The following GASK1B variants were observed in gnomAD, a reference collection of about 807,000 sequenced individuals.
GASK1B encodes Golgi-associated kinase 1B.
GASK1B carries 34 observed loss-of-function variants against 42.8 expected under a neutral mutation model. That is an observed-to-expected ratio of 0.79 (90% CI 0.60 to 1.06). GASK1B has a LOEUF of 1.06. Among genes scored for constraint, GASK1B ranks in the 50% least tolerant of loss-of-function variants. GASK1B has a pLI of 0.00. For missense variants in GASK1B, 686 were observed against 661.0 expected (o/e 1.04, Z -0.42); for synonymous variants, 262 against 259.1 (o/e 1.01, Z -0.11).
intron 3 of GASK1B, among the ~76,000 whole-genome samples, chr4:158,138,563 T>C (rs933065240): frequency 2.6e-5 from 4 of 152,156 alleles, no homozygotes; most frequent in African/African-American, 7.2e-5. Context: ...TCTGAAGGAA[T>C]AGTATCACTG....
Position 158,125,464 on chromosome 4 carries a change from C to A in GASK1B, c.*1943G>T, listed in dbSNP as rs1730415435. ...ATGCAAATATGCCACCTTGGTAAGA[C>A]AGGATGTCAGGCAACTTGCCAAAAG... On this transcript the variant is annotated 3_prime_UTR_variant, in exon 5 of 5. Transcript: ENST00000585682. 6.6e-6 allele frequency: 1 copy of A among 151,852 alleles called. No homozygotes were observed. The highest frequency in any genetic ancestry group is 2.1e-4 in the South Asian group (1 of 4,828). The allele number at this position is 151,852 out of a possible 1,614,324, so 9.4% of individuals were successfully genotyped here.
At chr4:158,129,364 A>C (rs1209531218) in intron 4 of GASK1B, among the ~76,000 whole-genome samples, 1 of 152,182 alleles carries the variant, frequency 6.6e-6, no homozygotes, top group East Asian at 1.9e-4. Context: ...CCGATACATA[A>C]AATTTCCTTA....
At chr4:158,154,595 A>T (rs1178784802) in intron 3 of GASK1B, among the ~76,000 whole-genome samples, 4 of 152,222 alleles carry the variant, frequency 2.6e-5, no homozygotes, top group African/African-American at 9.6e-5. Context: ...AATTGCAAAA[A>T]TATGCAACCA....
In GASK1B at chr4:158,170,321, G is replaced by T. The variant is rs748307483; in HGVS notation, c.910+145C>A. 13 of 1,614,216 alleles carry T rather than the reference G, an allele frequency of 8.1e-6. No homozygotes were observed. Among genetic ancestry groups the T allele is most frequent in the Non-Finnish European group, 7.6e-6 (9 of 1,180,038 alleles). On this transcript the variant is annotated intron_variant, in intron 2 of 4. Coordinates refer to ENST00000585682, the MANE Select transcript of GASK1B (RefSeq NM_001128424.2). ...GCTGGGAAAATAAAGAATGCCAAGCGCATGGAAAGACACGCTGCTGCTGCT... is the reference window on the plus strand; with the variant it reads ...GCTGGGAAAATAAAGAATGCCAAGCTCATGGAAAGACACGCTGCTGCTGCT...
At chr4:158,149,977 T>G (rs543228345) in intron 3 of GASK1B, among the ~76,000 whole-genome samples, 1 of 120,438 alleles carries the variant, frequency 8.3e-6, no homozygotes, top group South Asian at 2.9e-4. Context: ...CAGTTTGGAG[T>G]GCAGTGGCGC....
chr4:158,159,986 T>C (rs1443300007), intron 2 of GASK1B, among the ~76,000 whole-genome samples: 1 of 152,190 alleles, frequency 6.6e-6, no homozygotes, highest in Non-Finnish European at 1.5e-5. Context: ...CATTTGTCAC[T>C]GAGCAAAAAT....
rs1487340857 is a variant in GASK1B at position 158,126,472 on chromosome 4, C to T, written c.*935G>A. Reference sequence around the variant, plus strand: ...CCAATTCTCAATATCTGGGCAGTAACCATTAAATCAAATTAAATATAAGTA... The same window carrying T: ...CCAATTCTCAATATCTGGGCAGTAATCATTAAATCAAATTAAATATAAGTA... On this transcript the variant is annotated 3_prime_UTR_variant, in exon 5 of 5. Transcript: ENST00000585682. The T allele has an allele frequency of 6.6e-6, 1 of 151,814 alleles. No individual in the cohort carries two copies. Among genetic ancestry groups the T allele is most frequent in the Non-Finnish European group, 1.5e-5 (1 of 67,924 alleles). The allele number at this position is 151,814 out of a possible 1,614,324, so 9.4% of individuals were successfully genotyped here. A position where few individuals can be genotyped will look rare whatever the true frequency, so the allele number is the denominator to read the frequency against.
At position 158,170,207 on chromosome 4, in the gene GASK1B, G is replaced by C. The variant is rs372519767; in HGVS notation, c.910+259C>G. ...TTAATAAGCCACTGGGAAGTGAAGCGAGGGAAATGGAGAGCAAAGATTATA... is the reference window on the plus strand; with the variant it reads ...TTAATAAGCCACTGGGAAGTGAAGCCAGGGAAATGGAGAGCAAAGATTATA... On this transcript the variant is annotated intron_variant, in intron 2 of 4. Transcript: ENST00000585682. 166 of 1,600,968 alleles carry C rather than the reference G, an allele frequency of 1.0e-4. 1 individual carries two copies. The highest frequency in any genetic ancestry group is 1.4e-4 in the Non-Finnish European group (159 of 1,171,720).
chr4:158,162,766 T>A (rs931124933), intron 2 of GASK1B, among the ~76,000 whole-genome samples: 1 of 152,170 alleles, frequency 6.6e-6, no homozygotes, highest in African/African-American at 2.4e-5. Flanking sequence ...ATGGCTACAT[T>A]CAGGGATCAG....
chr4:158,170,610 C>A lies in GASK1B; in HGVS notation c.766G>T (p.Ala256Ser). 1.2e-6 allele frequency: 2 copies of A among 1,613,770 alleles called. No homozygotes were observed. Among genetic ancestry groups the A allele is most frequent in the South Asian group, 1.1e-5 (1 of 91,088 alleles). ...GGGCTAGGGCCACAGCGGAGCACAG[C>A]GCCAGGTGCGCCCCCCTCCAGCACC... ...LLVLEGGAPGAVLRCGPSPCG... is the reference protein window; with the variant it reads ...LLVLEGGAPGSVLRCGPSPCG... Residue 256 changes from alanine to serine, a missense_variant, in exon 2 of 5, where the codon GCT (alanine) becomes TCT (serine). Ala to Ser is a moderately conservative substitution (Grantham distance 99). Transcript: ENST00000585682.
intron 3 of GASK1B, among the ~76,000 whole-genome samples, chr4:158,153,575 T>C (rs911596420): frequency 1.3e-5 from 2 of 152,124 alleles, no homozygotes; most frequent in Admixed American, 6.5e-5. Context: ...AGAACAAATC[T>C]GGAGCCATCA....
chr4:158,155,884 T>C, intron 2 of GASK1B, 59 bp from the exon 3 acceptor site: 1 of 1,465,940 alleles, frequency 6.8e-7, no homozygotes, highest in Non-Finnish European at 9.5e-7. Flanking sequence ...GGTGTGTCTT[T>C]GAGCAGGTCG....
rs1048504189 is a variant in GASK1B, at chr4:158,125,810, G to T, written c.*1597C>A. 6.6e-6 allele frequency: 1 copy of T among 152,038 alleles called. No individual in the cohort carries two copies. The highest frequency in any genetic ancestry group is 6.6e-5 in the Admixed American group (1 of 15,246). The allele number at this position is 152,038 out of a possible 1,614,324, so 9.4% of individuals were successfully genotyped here. ...AAAAGCTACAATTAGATTTTCAAAT[G>T]ATCTCTCTCTCCTTGGTCCATCTTC... On this transcript the variant is annotated 3_prime_UTR_variant, in exon 5 of 5. Transcript: ENST00000585682.
At chr4:158,163,500 C>T (rs112495463) in intron 2 of GASK1B, among the ~76,000 whole-genome samples, 14,798 of 150,348 alleles carry the variant, frequency 0.098, 863 homozygotes, top group Non-Finnish European at 0.12. Flanking sequence ...ACCCAGGAGG[C>T]AGAGGTTGCA....
At chr4:158,163,570 GAAA>G (rs75931814) in intron 2 of GASK1B, among the ~76,000 whole-genome samples, 1 of 102,414 alleles carries the variant, frequency 9.8e-6, no homozygotes, top group Non-Finnish European at 2.1e-5. Context: ...CTCTGTCTCA[GAAA>G]AAAAAAAAAA....
rs182656012 is a variant in GASK1B, at chr4:158,167,968, T to C, written c.910+2498A>G. 1.1e-4 allele frequency among the ~76,000 whole-genome samples: 16 copies of C among 152,300 alleles called. No homozygotes were observed. In the East Asian group the frequency reaches 2.9e-3, roughly 28 times the overall value. On this transcript the variant is annotated intron_variant, in intron 2 of 4. Transcript: ENST00000585682. ...GATACTGAGAACCTAATGCTGTCTATACCATGACCAGAAGTGGTCTATTTA... is the reference window on the plus strand; with the variant it reads ...GATACTGAGAACCTAATGCTGTCTACACCATGACCAGAAGTGGTCTATTTA...
intron 3 of GASK1B, among the ~76,000 whole-genome samples, chr4:158,148,151 T>C (rs1731403829): frequency 6.6e-6 from 1 of 152,092 alleles, no homozygotes. Flanking sequence ...GAGTCTGAGG[T>C]TGCAGTGAGT....
Position 158,130,984 on chromosome 4 carries a change from C to T in GASK1B, c.1154G>A (p.Cys385Tyr), listed in dbSNP as rs757211418. Residue 385 changes from cysteine to tyrosine, a missense_variant, in exon 4 of 5, where the codon TGT (cysteine) becomes TAT (tyrosine). Cys to Tyr is a radical substitution (Grantham distance 194). Coordinates refer to ENST00000585682, the MANE Select transcript of GASK1B (RefSeq NM_001128424.2). ...ATCTTCCTTGCGAGGTCTGAATCCA[C>T]AGCAATTTGTATCTAAGCGATTATA... ...QIYNRLDTNC[C>Y]GFRPRKEDAC... 2 of 1,613,900 alleles carry T rather than the reference C, an allele frequency of 1.2e-6. No homozygotes were observed. Among genetic ancestry groups the T allele is most frequent in the South Asian group, 1.1e-5 (1 of 91,026 alleles).
intron 3 of GASK1B, among the ~76,000 whole-genome samples, chr4:158,154,084 G>A (rs74795060): frequency 0.017 from 2,592 of 150,858 alleles, 60 homozygotes; most frequent in African/African-American, 0.058. Flanking sequence ...ACCACCCATA[G>A]AGTGGGAGAA....
Sources: allele counts gnomAD v4.1 joint callset (sites outside exome capture counted in the v4.1 genomes callset), GRCh38; gene constraint gnomAD v4.1.1; transcripts MANE v1.5; gene names NCBI Gene and HGNC (gene_info 2026-07-23, HGNC 2026-07-21).